AGPAT5: variants seen among roughly 807,000 people sequenced by gnomAD.
AGPAT5 encodes 1-acyl-sn-glycerol-3-phosphate acyltransferase epsilon.
AGPAT5 carries 46 observed loss-of-function variants against 45.6 expected under a neutral mutation model. The observed-to-expected ratio is 1.01, with a 90% confidence interval of 0.80 to 1.29. The LOEUF is 1.29. AGPAT5 is among the 50% of genes most tolerant of loss of function. AGPAT5 has a pLI of 0.00. For missense variants in AGPAT5, 673 were observed against 450.7 expected (o/e 1.49, Z -4.47); for synonymous variants, 272 against 167.0 (o/e 1.63, Z -4.85).
intron 6 of AGPAT5, among the ~76,000 whole-genome samples, chr8:6,749,939 C>G (rs1258788780): frequency 6.6e-6 from 1 of 152,218 alleles, no homozygotes; most frequent in African/African-American, 2.4e-5. Context: ...TCTGCCTTGC[C>G]TTCGCTTCCT....
At chr8:6,714,399 G>A (rs1318479643) in intron 1 of AGPAT5, among the ~76,000 whole-genome samples, 1 of 152,132 alleles carries the variant, frequency 6.6e-6, no homozygotes, top group Non-Finnish European at 1.5e-5. Flanking sequence ...ATTCTGGTTA[G>A]GGAACTGCTT....
chr8:6,709,365 A>G (rs960694713), intron 1 of AGPAT5: 5 of 168,816 alleles, frequency 3.0e-5, no homozygotes, highest in African/African-American at 1.2e-4. Context: ...AGAAATGAAT[A>G]CATTTGTTAA....
chr8:6,732,190 A>T (rs1156697563), intron 3 of AGPAT5, among the ~76,000 whole-genome samples: 1 of 138,080 alleles, frequency 7.2e-6, no homozygotes, highest in Non-Finnish European at 1.6e-5. Flanking sequence ...CATGTTAAGG[A>T]CGCTTTTTAG....
Position 6,755,030 on chromosome 8 carries a change from A to G in AGPAT5, c.746-21A>G, listed in dbSNP as rs201277690. The stretch of plus-strand genomic sequence containing the variant: ...AGTTCTAAAATAGTAAAAAAAAAGA[A>G]TTATTTTTGTTCTTTGTTAGAATTT... On this transcript the variant is annotated intron_variant, in intron 6 of 7. Transcript: ENST00000285518. The G allele has an allele frequency of 2.6e-6, 4 of 1,552,192 alleles. No homozygotes were observed. The East Asian group carries it at 9.1e-5, about 35-fold the overall frequency.
intron 4 of AGPAT5, chr8:6,738,582 A>G (rs1587041109): frequency 1.3e-5 from 2 of 152,340 alleles, no homozygotes; most frequent in South Asian, 2.1e-4. Context: ...AATGGCACCA[A>G]TAGACTTGCT....
Position 6,757,303 on chromosome 8 carries a change from T to C in AGPAT5, c.1010T>C (p.Met337Thr), listed in dbSNP as rs776722100. The change falls in exon 8 of 8, where the codon ATG becomes ACG. Residue 337 changes from methionine (M) to threonine (T), a missense_variant. Met to Thr is a moderately conservative substitution (Grantham distance 81, BLOSUM62 -1). Transcript: ENST00000285518. ...AGTGGTTTGACTGCAGGCATGCTTA[T>C]GACCGATGCTGGAAGGAAGCTGTAT... is the stretch of plus-strand genomic sequence containing the variant. ...ILSGLTAGML[M>T]TDAGRKLYVN... The C allele has an allele frequency of 6.2e-7, 1 of 1,614,248 alleles. No homozygotes were observed. The highest frequency in any genetic ancestry group is 1.1e-5 in the South Asian group (1 of 91,090).
chr8:6,733,508 A>G (rs768001164), intron 4 of AGPAT5, among the ~76,000 whole-genome samples: 18 of 152,152 alleles, frequency 1.2e-4, no homozygotes, highest in Non-Finnish European at 7.4e-5. Context: ...TGTTTTGGGC[A>G]TGTGTTGGGT....
rs911690330 is a variant in AGPAT5 at position 6,760,624 on chromosome 8, G to A, written c.*3236G>A. Among the ~76,000 whole-genome samples the A allele has an allele frequency of 9.9e-5, 15 of 152,124 alleles. No individual in the cohort carries two copies. The highest frequency in any genetic ancestry group is 2.6e-4 in the Admixed American group (4 of 15,272). ...GAAATATTTTCTTGGCAGATATTCC[G>A]TATCTGGTGGAAAGCTACAATGCAA... On this transcript the variant is annotated 3_prime_UTR_variant, in exon 8 of 8. Transcript: ENST00000285518.
intron 2 of AGPAT5, among the ~76,000 whole-genome samples, chr8:6,728,666 G>A (rs971131783): frequency 7.2e-5 from 11 of 152,104 alleles, no homozygotes; most frequent in Non-Finnish European, 1.2e-4. Flanking sequence ...TGCTAAACCT[G>A]GTTTTTAACT....
In AGPAT5 at chr8:6,730,705, C is replaced by G. The variant is rs757728859; in HGVS notation, c.290-6C>G. ...TGTACGCGCTAACTGGGTCCTGTCT[C>G]TGCAGTTGACTGGATTGTTGCTGAC... On this transcript the variant is annotated splice_polypyrimidine_tract_variant and splice_region_variant and intron_variant, in intron 2 of 7. Transcript: ENST00000285518. 11 of 1,604,666 alleles carry G rather than the reference C, an allele frequency of 6.9e-6. No individual in the cohort carries two copies. The East Asian group carries it at 1.1e-4, about 16-fold the overall frequency.
At chr8:6,755,833 G>T (rs563375460) in intron 7 of AGPAT5, among the ~76,000 whole-genome samples, 4 of 152,070 alleles carry the variant, frequency 2.6e-5, no homozygotes, top group Non-Finnish European at 5.9e-5. Context: ...AGTGTAATAG[G>T]TTAACAATGA....
At chr8:6,712,182 A>G (rs940601232) in intron 1 of AGPAT5, among the ~76,000 whole-genome samples, 5 of 152,210 alleles carry the variant, frequency 3.3e-5, no homozygotes, top group Admixed American at 3.3e-4. Flanking sequence ...GTTTTCTGTA[A>G]TAAGTTTACT....
intron 5 of AGPAT5, among the ~76,000 whole-genome samples, chr8:6,746,849 G>A (rs993774386): frequency 6.6e-6 from 1 of 152,178 alleles, no homozygotes; most frequent in African/African-American, 2.4e-5. Context: ...CTGTTAAATT[G>A]TCAGTAAATA....
chr8:6,739,281 G>T (rs913655246), intron 4 of AGPAT5, among the ~76,000 whole-genome samples: 5 of 152,006 alleles, frequency 3.3e-5, no homozygotes, highest in Admixed American at 3.3e-4. Flanking sequence ...TAGGTTTTTT[G>T]CATTTCTGTG....
intron 4 of AGPAT5, 117 bp downstream of exon 4, chr8:6,732,767 C>A: frequency 1.1e-6 from 1 of 926,086 alleles, no homozygotes; most frequent in Non-Finnish European, 1.6e-6. Flanking sequence ...ATTACTAATT[C>A]AGGGTTATGC....
At chr8:6,730,058 AT>A (rs1800810878) in intron 2 of AGPAT5, among the ~76,000 whole-genome samples, 1 of 152,046 alleles carries the variant, frequency 6.6e-6, no homozygotes, top group South Asian at 2.1e-4. Flanking sequence ...TCATAGTTGC[AT>A]TTGGCCATTT....
chr8:6,744,701 C>G, intron 5 of AGPAT5, among the ~76,000 whole-genome samples: 1 of 152,218 alleles, frequency 6.6e-6, no homozygotes, highest in East Asian at 1.9e-4. Context: ...GTTCTCCCTC[C>G]TCCTCACTCG....
intron 4 of AGPAT5, among the ~76,000 whole-genome samples, chr8:6,736,583 T>C (rs1343291367): frequency 2.0e-5 from 3 of 152,260 alleles, no homozygotes; most frequent in Non-Finnish European, 4.4e-5. Flanking sequence ...CCTTTGCTGC[T>C]GGCTGTGTTT....
chr8:6,755,274 G>A, intron 7 of AGPAT5, 100 bp downstream of exon 7: 1 of 1,252,846 alleles, frequency 8.0e-7, no homozygotes, highest in Non-Finnish European at 1.1e-6. Flanking sequence ...ATTGTCTCAA[G>A]AATACATTTT....
Sources: gnomAD v4.1 joint callset for allele counts (sites outside exome capture counted in the v4.1 genomes callset) on GRCh38, gnomAD v4.1.1 for gene constraint, MANE v1.5 for transcripts, NCBI Gene and HGNC (gene_info 2026-07-23, HGNC 2026-07-21) for gene names.